CCDC82: variants seen among roughly 807,000 people sequenced by gnomAD.
The protein encoded by CCDC82 is coiled-coil domain containing 82, also known as coiled-coil domain-containing protein 82.
Under a neutral mutation model 60.6 loss-of-function variants are expected in CCDC82, and 47 were observed. That is an observed-to-expected ratio of 0.77 (90% CI 0.61 to 0.99). The LOEUF (loss-of-function observed/expected upper bound fraction) is 0.99, where lower values mean the gene tolerates loss of function less well. CCDC82 is among the 50% of genes least tolerant of loss of function. The pLI is 0.00. For synonymous variants in CCDC82, 212 were observed against 207.4 expected (o/e 1.02, Z -0.19); for missense variants, 588 against 633.0 (o/e 0.93, Z 0.76).
chr11:96,353,856 A>C, intron 9 of CCDC82, 142 bp from the exon 10 acceptor site: 1 of 570,514 alleles, frequency 1.8e-6, no homozygotes, highest in Non-Finnish European at 3.1e-6. Context: ...ACAGGAACTT[A>C]ATTTCAAATA....
intron 8 of CCDC82, 111 bp from the exon 9 acceptor site, chr11:96,359,289 A>C: frequency 1.2e-6 from 1 of 830,044 alleles, no homozygotes; most frequent in Non-Finnish European, 1.8e-6. Flanking sequence ...CAGTGTTTAC[A>C]CAATGATTCC....
At chr11:96,385,255 G>A (rs867378170) in intron 3 of CCDC82, 1 of 152,760 alleles carries the variant, frequency 6.5e-6, no homozygotes, top group East Asian at 1.9e-4. Flanking sequence ...AAGAAAAAGG[G>A]ATGTCAGGCA....
At chr11:96,386,667 C>T (rs575352541) in intron 2 of CCDC82, 1 of 152,300 alleles carries the variant, frequency 6.6e-6, no homozygotes, top group African/African-American at 2.4e-5. Flanking sequence ...GGATTACAGG[C>T]ATGAGCCATT....
intron 3 of CCDC82, 138 bp from the exon 4 acceptor site, chr11:96,384,899 A>G: frequency 1.8e-6 from 1 of 545,430 alleles, no homozygotes; most frequent in Non-Finnish European, 3.1e-6. Context: ...CTGAGTGAAG[A>G]TGGTAGAACA....
chr11:96,380,300 A>G (rs567759321), intron 5 of CCDC82, among the ~76,000 whole-genome samples: 4 of 151,874 alleles, frequency 2.6e-5, no homozygotes, highest in Non-Finnish European at 5.9e-5. Flanking sequence ...AAGTTGAGGA[A>G]AAAGAGTTTG....
At chr11:96,360,961 T>C (rs1864631085) in intron 8 of CCDC82, among the ~76,000 whole-genome samples, 1 of 152,246 alleles carries the variant, frequency 6.6e-6, no homozygotes, top group South Asian at 2.1e-4. Context: ...AAAACCTTCC[T>C]GCTTTTCAGA....
At chr11:96,373,050 T>G (rs1865369236) in intron 6 of CCDC82, among the ~76,000 whole-genome samples, 1 of 152,122 alleles carries the variant, frequency 6.6e-6, no homozygotes, top group Non-Finnish European at 1.5e-5. Flanking sequence ...TTTAATGAAA[T>G]TCAGAGCTCA....
intron 6 of CCDC82, among the ~76,000 whole-genome samples, chr11:96,371,812 T>C (rs1865290143): frequency 6.6e-6 from 1 of 152,228 alleles, no homozygotes; most frequent in Non-Finnish European, 1.5e-5. Flanking sequence ...ATCAGAATAC[T>C]CTTTTCTAGC....
chr11:96,374,422 T>G (rs112317758), intron 5 of CCDC82, among the ~76,000 whole-genome samples: 3,042 of 152,258 alleles, frequency 0.02, 94 homozygotes, highest in African/African-American at 0.07. Flanking sequence ...TAACTCTCTT[T>G]CAGACTTTAG....
At chr11:96,373,352 T>C in intron 6 of CCDC82, 23 bp downstream of exon 6, 1 of 1,400,974 alleles carries the variant, frequency 7.1e-7, no homozygotes, top group Non-Finnish European at 9.9e-7. Flanking sequence ...AAACCAATTG[T>C]TTCATTCATA....
chr11:96,353,678 C>A lies in CCDC82; in HGVS notation c.1603G>T (p.Asp535Tyr), dbSNP rs775300811. ...TCAAACTTCTCTTCTTGAAAGTAAT[C>A]CGCAAAATTGAGATATTCTTCAAGT... The part of the protein sequence containing the change: ...GQLEEYLNFA[D>Y]YFQEEKFEL The change falls in exon 10 of 10, where the codon GAT becomes TAT. Residue 535 changes from aspartate to tyrosine, a missense_variant. Coordinates refer to ENST00000646818, the MANE Select transcript of CCDC82 (RefSeq NM_024725.4). 6.2e-7 allele frequency: 1 copy of A among 1,610,738 alleles called. No homozygotes were observed. The highest frequency in any genetic ancestry group is 1.1e-5 in the South Asian group (1 of 90,960).
Position 96,383,303 on chromosome 11 carries a change from T to G in CCDC82, c.957A>C (p.Thr319=). The G allele has an allele frequency of 6.2e-7, 1 of 1,602,498 alleles. No homozygotes were observed. Among genetic ancestry groups the G allele is most frequent in the Non-Finnish European group, 8.5e-7 (1 of 1,170,638 alleles). ...NKNQQGEKLT[T]SQLKLVKQNS... ...TCTGTTTTACTAATTTCAGTTGTGA[T>G]GTAGTCAATTTTTCTCCTTGTTGGT... Residue 319 remains threonine (T), a synonymous_variant, in exon 5 of 10, where the codon ACA becomes ACC. Transcript: ENST00000646818.
At chr11:96,364,780 A>G in intron 8 of CCDC82, 200 bp downstream of exon 8, 1 of 491,122 alleles carries the variant, frequency 2.0e-6, no homozygotes, top group Non-Finnish European at 3.6e-6. Flanking sequence ...AACAGAGTCT[A>G]GTTGAAGCAC....
chr11:96,368,338 TATTC>T (rs1272362843), intron 7 of CCDC82, among the ~76,000 whole-genome samples: 1 of 152,118 alleles, frequency 6.6e-6, no homozygotes, highest in Non-Finnish European at 1.5e-5. Context: ...GGTCCAAAAA[TATTC>T]AGTAAACTAT....
chr11:96,366,540 C>A lies in CCDC82; in HGVS notation c.1210-1390G>T, dbSNP rs185639124. Among the ~76,000 whole-genome samples the A allele has an allele frequency of 5.3e-4, 80 of 152,266 alleles. No homozygotes were observed. The East Asian group carries it at 0.01, about 19-fold the overall frequency. ...GCCTGTCTAATTATTAGCAGTGGAA[C>A]CTTATGTTACTTTATTTTTCTGAGA... On this transcript the variant is annotated intron_variant, in intron 7 of 9. Coordinates refer to ENST00000646818, the MANE Select transcript of CCDC82 (RefSeq NM_024725.4).
chr11:96,358,385 T>C, intron 9 of CCDC82: 1 of 1,223,396 alleles, frequency 8.2e-7, no homozygotes, highest in Non-Finnish European at 1.0e-6. Flanking sequence ...AGTGCACTCT[T>C]CAAAACCCCC....
intron 8 of CCDC82, among the ~76,000 whole-genome samples, chr11:96,359,641 G>GCAA (rs1864530754): frequency 8.6e-5 from 1 of 11,586 alleles, no homozygotes; most frequent in Non-Finnish European, 1.9e-4. Context: ...GATGGGCAAA[G>GCAA]TAAAAAAAAA....
At chr11:96,380,827 A>G (rs1865839355) in intron 5 of CCDC82, 1 of 151,732 alleles carries the variant, frequency 6.6e-6, no homozygotes, top group Non-Finnish European at 1.5e-5. Flanking sequence ...CAGAGGAGGG[A>G]GGAAAGGAGA....
intron 5 of CCDC82, among the ~76,000 whole-genome samples, chr11:96,377,467 AAAGT>A (rs1268583670): frequency 3.3e-5 from 5 of 152,180 alleles, no homozygotes; most frequent in Admixed American, 6.5e-5. Flanking sequence ...CATCTAGAAC[AAAGT>A]CAGTAGAAAA....
Sources: allele counts gnomAD v4.1 joint callset (sites outside exome capture counted in the v4.1 genomes callset), GRCh38; gene constraint gnomAD v4.1.1; transcripts MANE v1.5; gene names NCBI Gene and HGNC (gene_info 2026-07-23, HGNC 2026-07-21).